The following PKHD1L1 variants were observed in gnomAD, a reference collection of about 807,000 sequenced individuals.
The protein encoded by PKHD1L1 is PKHD1 like 1, also known as fibrocystin-L.
Under a neutral mutation model 462.9 loss-of-function variants are expected in PKHD1L1, and 434 were observed. The ratio of observed to expected loss-of-function variants is 0.94; its 90% CI spans 0.87 to 1.02. PKHD1L1 has a LOEUF of 1.02. PKHD1L1 is among the 50% of genes least tolerant of loss of function. The probability of loss-of-function intolerance (pLI) is 0.00; values close to 1 mark genes in which losing one functional copy is unlikely to be tolerated. For missense variants in PKHD1L1, 5,202 were observed against 5,096.1 expected, an observed-to-expected ratio of 1.02 and a Z score of -0.63; for synonymous variants, 1,781 against 1,750.0, an observed-to-expected ratio of 1.02 and a Z score of -0.44.
intron 50 of PKHD1L1, among the ~76,000 whole-genome samples, chr8:109,471,616 C>G (rs1673393): frequency 6.6e-6 from 1 of 151,930 alleles, no homozygotes; most frequent in African/African-American, 2.4e-5. Context: ...ATCTACCTCA[C>G]GGTAACAAGA....
Position 109,464,896 on chromosome 8 carries a change from C to A in PKHD1L1, c.8064C>A (p.Ile2688=). The change falls in exon 49 of 78, where the codon ATC becomes ATA. Residue 2688 remains isoleucine, a synonymous_variant. Transcript: ENST00000378402. ...NYEAGIETKR[I]LAPYVGGWGE... ...AGGCTGGAATTGAGACTAAGAGGAT[C>A]CTGGCTCCTTATGTTGGAGGGTGGG... The A allele has an allele frequency of 1.9e-6, 3 of 1,613,746 alleles. No homozygotes were observed. Among genetic ancestry groups the A allele is most frequent in the Non-Finnish European group, 2.5e-6 (3 of 1,179,772 alleles).
chr8:109,385,706 G>T, intron 6 of PKHD1L1, 76 bp downstream of exon 6: 2 of 925,564 alleles, frequency 2.2e-6, no homozygotes, highest in Non-Finnish European at 3.2e-6. Context: ...TGGGTCCAAT[G>T]ATATTAAATC....
intron 65 of PKHD1L1, among the ~76,000 whole-genome samples, chr8:109,498,037 T>G (rs565758084): frequency 6.6e-6 from 1 of 152,232 alleles, no homozygotes; most frequent in East Asian, 1.9e-4. Context: ...ATTTATAGTT[T>G]GCATTTTATT....
chr8:109,430,321 G>A (rs376262405), intron 27 of PKHD1L1, among the ~76,000 whole-genome samples: 69 of 152,260 alleles, frequency 4.5e-4, no homozygotes, highest in African/African-American at 1.7e-3. Flanking sequence ...GTTAGACTCA[G>A]TCTCTAAAAT....
In PKHD1L1 at chr8:109,470,867, T is replaced by C. The variant is rs993300328; in HGVS notation, c.8605+4098T>C. On this transcript the variant is annotated intron_variant, in intron 50 of 77. Transcript: ENST00000378402. ...ATAAGTTCTTTAGCAGGAAAGAAGA[T>C]CCTGAAATGCTAGAAACTGAGCCAG... 36 of 1,523,196 alleles carry C rather than the reference T, an allele frequency of 2.4e-5. No individual in the cohort carries two copies. The African/African-American group carries it at 4.7e-4, about 20-fold the overall frequency. 94.4% of individuals were successfully genotyped at this position (1,523,196 alleles called of 1,614,324 possible).
Position 109,462,236 on chromosome 8 carries a change from C to G in PKHD1L1, c.7383+328C>G, listed in dbSNP as rs114040735. 6.0e-3 allele frequency among the ~76,000 whole-genome samples: 915 copies of G among 152,252 alleles called. 10 individuals are homozygous for G. Among genetic ancestry groups the G allele is most frequent in the African/African-American group, 0.021 (872 of 41,558 alleles). On this transcript the variant is annotated intron_variant, in intron 48 of 77. Transcript: ENST00000378402. ...CTGGACTGCTGTGATTTTCTCCTAC[C>G]TGGTCTTCCTGCTCCCACGTTGCTC...
Position 109,522,778 on chromosome 8 carries a change from C to A in PKHD1L1, c.12218C>A (p.Pro4073His). The change falls in exon 75 of 78, where the codon CCT (proline) becomes CAT (histidine). Residue 4073 changes from proline to histidine, a missense_variant. Pro to His is a moderately conservative substitution (Grantham distance 77). Coordinates refer to ENST00000378402, the MANE Select transcript of PKHD1L1 (RefSeq NM_177531.6). ...TAQPVERSAF[P>H]VHHVAFVSSL... Reference sequence around the variant, plus strand: ...CAGCCAGTTGAAAGGTCTGCATTTCCTGTTCATCACGTGGCCTTCGTGTCC... The same window carrying A: ...CAGCCAGTTGAAAGGTCTGCATTTCATGTTCATCACGTGGCCTTCGTGTCC... 1 of 1,611,844 alleles carries A rather than the reference C, an allele frequency of 6.2e-7. No homozygotes were observed. The highest frequency in any genetic ancestry group is 1.1e-5 in the South Asian group (1 of 90,770).
chr8:109,522,554 T>C (rs1279775410), intron 74 of PKHD1L1, among the ~76,000 whole-genome samples, 190 bp from the exon 75 acceptor site: 1 of 152,228 alleles, frequency 6.6e-6, no homozygotes, highest in East Asian at 1.9e-4. Context: ...TATAAATTTG[T>C]TTTGCTTTGC....
intron 23 of PKHD1L1, among the ~76,000 whole-genome samples, 172 bp downstream of exon 23, chr8:109,420,862 A>C (rs1814426756): frequency 6.6e-6 from 1 of 152,196 alleles, no homozygotes; most frequent in Non-Finnish European, 1.5e-5. Context: ...AAATTCTTAC[A>C]GAAATATGTC....
In PKHD1L1 at chr8:109,510,814, C is replaced by T; in HGVS notation, c.11433C>T (p.Cys3811=). 1 of 1,613,116 alleles carries T rather than the reference C, an allele frequency of 6.2e-7. No homozygotes were observed. Among genetic ancestry groups the T allele is most frequent in the Non-Finnish European group, 8.5e-7 (1 of 1,179,406 alleles). The part of the protein sequence containing the change: ...QDHGWCAGYT[C]QRRLSLFHSI... The stretch of plus-strand genomic sequence containing the variant: ...ATGGCTGGTGTGCTGGATATACATG[C>T]CAGAGAAGGCTGTCCCTGTTTCACA... Residue 3811 remains cysteine (C), a synonymous_variant, in exon 71 of 78, where the codon TGC becomes TGT. Coordinates refer to ENST00000378402, the MANE Select transcript of PKHD1L1 (RefSeq NM_177531.6).
At chr8:109,461,001 C>G (rs1244680508) in intron 47 of PKHD1L1, among the ~76,000 whole-genome samples, 1 of 152,130 alleles carries the variant, frequency 6.6e-6, no homozygotes, top group Admixed American at 6.6e-5. Context: ...CTATGCCTAA[C>G]TTGAAGAGAG....
chr8:109,427,409 T>C (rs568233036), intron 25 of PKHD1L1, among the ~76,000 whole-genome samples: 1 of 152,128 alleles, frequency 6.6e-6, no homozygotes. Context: ...ATATGTGTGT[T>C]AGAATCCCCT....
At chr8:109,491,183 T>C in intron 61 of PKHD1L1, 82 bp downstream of exon 61, 1 of 1,333,034 alleles carries the variant, frequency 7.5e-7, no homozygotes, top group Non-Finnish European at 1.0e-6. Context: ...CACTGCCCAA[T>C]TGATCTTTCT....
intron 38 of PKHD1L1, 146 bp from the exon 39 acceptor site, chr8:109,447,997 T>G: frequency 1.5e-6 from 1 of 689,114 alleles, no homozygotes. Context: ...AAATGTATTG[T>G]ATGACATAGC....
Position 109,438,770 on chromosome 8 carries a change from C to T in PKHD1L1, c.3761-127C>T, listed in dbSNP as rs948876123. 1.2e-5 allele frequency: 10 copies of T among 810,066 alleles called. No homozygotes were observed. In the African/African-American group the frequency reaches 1.8e-4, roughly 14 times the overall value. The allele number at this position is 810,066 out of a possible 1,614,324, so 50.2% of individuals were successfully genotyped here. A position where few individuals can be genotyped will look rare whatever the true frequency, so the allele number is the denominator to read the frequency against. ...TCTTTCATTGTTTTTCCTTTTGCCT[C>T]TCAAAGTGTTAGGATTTCCTAAATC... On this transcript the variant is annotated intron_variant, in intron 31 of 77. Transcript: ENST00000378402.
At chr8:109,404,795 A>G in intron 15 of PKHD1L1, 82 bp downstream of exon 15, 1 of 1,362,044 alleles carries the variant, frequency 7.3e-7, no homozygotes, top group Non-Finnish European at 9.8e-7. Flanking sequence ...TTTACTAGGT[A>G]AGATACTGTT....
chr8:109,389,418 T>C (rs1812601403), intron 8 of PKHD1L1, among the ~76,000 whole-genome samples: 3 of 152,114 alleles, frequency 2.0e-5, no homozygotes, highest in Non-Finnish European at 2.9e-5. Context: ...GTGTCTAATT[T>C]GGCTATTTTG....
intron 48 of PKHD1L1, among the ~76,000 whole-genome samples, chr8:109,463,100 C>T (rs1817229777): frequency 6.6e-6 from 1 of 152,090 alleles, no homozygotes; most frequent in African/African-American, 2.4e-5. Context: ...CTTTATGGTT[C>T]TCTGCTGATT....
At chr8:109,510,722 A>T in intron 70 of PKHD1L1, 55 bp from the exon 71 acceptor site, 2 of 1,525,514 alleles carry the variant, frequency 1.3e-6, no homozygotes, top group Admixed American at 4.4e-5. Context: ...TTCAGATTTT[A>T]TACTAATAAA....
Sources: allele counts gnomAD v4.1 joint callset (sites outside exome capture counted in the v4.1 genomes callset), GRCh38; gene constraint gnomAD v4.1.1; transcripts MANE v1.5; gene names NCBI Gene and HGNC (gene_info 2026-07-23, HGNC 2026-07-21).